The following VDAC1 variants were observed in gnomAD, a reference collection of about 807,000 sequenced individuals.
VDAC1 encodes non-selective voltage-gated ion channel VDAC1.
Under a neutral mutation model 34.7 loss-of-function variants are expected in VDAC1, and 10 were observed. The ratio of observed to expected loss-of-function variants is 0.29; its 90% CI spans 0.18 to 0.49. The LOEUF (loss-of-function observed/expected upper bound fraction) is 0.49, where lower values mean the gene tolerates loss of function less well. VDAC1 is among the 20% of genes least tolerant of loss of function. The pLI, the probability that VDAC1 is intolerant of heterozygous loss-of-function variation, is 0.99. For synonymous variants in VDAC1, 130 were observed against 136.0 expected, an observed-to-expected ratio of 0.96 and a Z score of 0.30; for missense variants, 230 against 347.9, an observed-to-expected ratio of 0.66 and a Z score of 2.69.
the VDAC1 span, among the ~76,000 whole-genome samples, chr5:134,089,076 T>C: frequency 6.6e-6 from 1 of 152,244 alleles, no homozygotes; most frequent in African/African-American, 2.4e-5. Flanking sequence ...CTGCCTTGCC[T>C]GCACCAGCCA....
Position 133,992,321 on chromosome 5 carries a change from T to C in VDAC1, c.102A>G (p.Lys34=). The C allele has an allele frequency of 1.3e-6, 2 of 1,583,708 alleles. No individual in the cohort carries two copies. Among genetic ancestry groups the C allele is most frequent in the Non-Finnish European group, 1.7e-6 (2 of 1,166,340 alleles). ...FGLIKLDLKT[K]SENGLEFTSS... is the part of the protein sequence containing the mutation. ...GACAACTTACCAATCCATTCTCAGA[T>C]TTTGTTTTCAAATCAAGCTTTATTA... Residue 34 remains lysine (K), a synonymous_variant, in exon 3 of 9, where the codon AAA becomes AAG. Coordinates refer to ENST00000265333, the MANE Select transcript of VDAC1 (RefSeq NM_003374.3).
the VDAC1 span, among the ~76,000 whole-genome samples, chr5:134,087,649 G>C: frequency 6.6e-6 from 1 of 150,384 alleles, no homozygotes; most frequent in Admixed American, 6.6e-5. Flanking sequence ...GAGGTCAGGA[G>C]TTCAAGACCA....
chr5:134,048,899 A>C, the VDAC1 span, among the ~76,000 whole-genome samples: 3 of 152,158 alleles, frequency 2.0e-5, no homozygotes, highest in Non-Finnish European at 4.4e-5. Flanking sequence ...TACCTCAGTA[A>C]ATATTTGCTG....
the VDAC1 span, among the ~76,000 whole-genome samples, chr5:134,013,039 T>C: frequency 6.6e-6 from 1 of 152,190 alleles, no homozygotes; most frequent in African/African-American, 2.4e-5. Context: ...TGGCTATCCA[T>C]ATGCAGAAGA....
chr5:134,028,967 A>T, the VDAC1 span, among the ~76,000 whole-genome samples: 1 of 152,202 alleles, frequency 6.6e-6, no homozygotes, highest in African/African-American at 2.4e-5. Flanking sequence ...GCCATGTCAT[A>T]AGGACACTCA....
At chr5:134,033,361 T>C in the VDAC1 span, among the ~76,000 whole-genome samples, 3 of 151,600 alleles carry the variant, frequency 2.0e-5, no homozygotes, top group Admixed American at 1.3e-4. Flanking sequence ...TTTCACCACG[T>C]TGGCCAGGAT....
At chr5:134,088,270 C>T in the VDAC1 span, among the ~76,000 whole-genome samples, 1 of 152,232 alleles carries the variant, frequency 6.6e-6, no homozygotes, top group Admixed American at 6.5e-5. Context: ...GAGCCCCCAA[C>T]AAAACCCATC....
chr5:134,052,664 G>A, the VDAC1 span, among the ~76,000 whole-genome samples: 1 of 152,122 alleles, frequency 6.6e-6, no homozygotes, highest in African/African-American at 2.4e-5. Flanking sequence ...AACCTAGAAG[G>A]TTAAAAGGAA....
the VDAC1 span, among the ~76,000 whole-genome samples, chr5:134,034,803 G>C: frequency 2.0e-5 from 3 of 152,110 alleles, no homozygotes; most frequent in Non-Finnish European, 4.4e-5. Context: ...AAGGAAAGGA[G>C]CTGCGAGTAA....
At chr5:134,013,466 A>T in the VDAC1 span, among the ~76,000 whole-genome samples, 2 of 152,112 alleles carry the variant, frequency 1.3e-5, no homozygotes, top group African/African-American at 4.8e-5. Context: ...CAAAATTGAC[A>T]AGTGGGACCT....
At chr5:134,098,521 G>A in the VDAC1 span, among the ~76,000 whole-genome samples, 39 of 152,308 alleles carry the variant, frequency 2.6e-4, no homozygotes, top group South Asian at 7.7e-3. Context: ...CACCACACCC[G>A]GCCAAGGATT....
chr5:134,047,727 G>A, the VDAC1 span, among the ~76,000 whole-genome samples: 1 of 152,200 alleles, frequency 6.6e-6, no homozygotes, highest in African/African-American at 2.4e-5. Context: ...ACCTGTTTGT[G>A]CAATGTAGAG....
the VDAC1 span, among the ~76,000 whole-genome samples, chr5:134,060,005 T>C: frequency 6.6e-6 from 1 of 151,728 alleles, no homozygotes; most frequent in Non-Finnish European, 1.5e-5. Context: ...ACAGGCCTTC[T>C]GCACCCTGCA....
chr5:133,987,243 C>T (rs965108302), intron 5 of VDAC1, among the ~76,000 whole-genome samples: 1 of 152,158 alleles, frequency 6.6e-6, no homozygotes, highest in Non-Finnish European at 1.5e-5. Context: ...CACCTGTAGT[C>T]CCAGCTACTG....
the VDAC1 span, among the ~76,000 whole-genome samples, chr5:134,071,820 C>G: frequency 2.0e-5 from 3 of 152,184 alleles, no homozygotes; most frequent in Admixed American, 6.5e-5. The surrounding 1 kb of genome is among the most constrained non-coding windows in gnomAD (Gnocchi z 4.1). Context: ...TGTGGGCGGA[C>G]CTGGGGTCTG....
chr5:134,093,297 G>A, the VDAC1 span, among the ~76,000 whole-genome samples: 1 of 152,210 alleles, frequency 6.6e-6, no homozygotes, highest in African/African-American at 2.4e-5. Context: ...CTGATGTATT[G>A]GGAGTGTGAG....
At chr5:134,109,781 A>AAAAAAG in the VDAC1 span, among the ~76,000 whole-genome samples, 1 of 7,578 alleles carries the variant, frequency 1.3e-4, no homozygotes, top group African/African-American at 2.7e-4. Flanking sequence ...AAAAAAAAAA[A>AAAAAAG]AAAAAAAAAA....
intron 6 of VDAC1, 23 bp downstream of exon 6, chr5:133,980,706 C>CCCCG: frequency 1.7e-5 from 20 of 1,202,992 alleles, no homozygotes; most frequent in African/African-American, 3.1e-5. Flanking sequence ...CCCTCCCACC[C>CCCCG]TGCTGCCCCC....
the VDAC1 span, among the ~76,000 whole-genome samples, chr5:134,013,378 T>C: frequency 3.9e-5 from 6 of 152,224 alleles, no homozygotes; most frequent in East Asian, 9.7e-4. Context: ...GAGGCTGCAG[T>C]GAGCTATGAT....
Sources: gnomAD v4.1 joint callset for allele counts (sites outside exome capture counted in the v4.1 genomes callset) on GRCh38, gnomAD v4.1.1 for gene constraint, Gnocchi (gnomAD v3.1) non-coding constraint, MANE v1.5 for transcripts, NCBI Gene and HGNC (gene_info 2026-07-23, HGNC 2026-07-21) for gene names.